The following FAF1 variants were observed in gnomAD, a reference collection of about 807,000 sequenced individuals.
FAF1 encodes Fas associated factor 1.
Under a neutral mutation model 92.5 loss-of-function variants are expected in FAF1, and 25 were observed. The ratio of observed to expected loss-of-function variants is 0.27; its 90% CI spans 0.20 to 0.38. FAF1 has a LOEUF of 0.38. Among genes scored for constraint, FAF1 ranks in the 10% least tolerant of loss-of-function variants. The probability of loss-of-function intolerance (pLI) is 1.00; values close to 1 mark genes in which losing one functional copy is unlikely to be tolerated. For missense variants in FAF1, 636 were observed against 793.3 expected, an observed-to-expected ratio of 0.80 and a Z score of 2.38; for synonymous variants, 234 against 273.2, an observed-to-expected ratio of 0.86 and a Z score of 1.42.
chr1:50,860,611 G>A (rs911192877), intron 1 of FAF1, among the ~76,000 whole-genome samples: 1 of 151,818 alleles, frequency 6.6e-6, no homozygotes, highest in African/African-American at 2.4e-5. Flanking sequence ...ACAGATGCTA[G>A]TGAGGCCGCA....
intron 7 of FAF1, among the ~76,000 whole-genome samples, chr1:50,693,548 GTA>G (rs1037505952): frequency 3.0e-4 from 46 of 151,990 alleles, no homozygotes; most frequent in African/African-American, 1.1e-3. Flanking sequence ...GCCTTGTTAT[GTA>G]TATATAATTT....
chr1:50,766,437 T>C (rs1569911535), intron 4 of FAF1, among the ~76,000 whole-genome samples: 1 of 152,126 alleles, frequency 6.6e-6, no homozygotes, highest in Non-Finnish European at 1.5e-5. Context: ...AAAGGACCCA[T>C]CCAAGAAGAT....
chr1:50,761,890 A>G (rs1660342585), intron 4 of FAF1, among the ~76,000 whole-genome samples: 1 of 152,150 alleles, frequency 6.6e-6, no homozygotes. Flanking sequence ...GAAAAGAGGA[A>G]GTCAAATTGT....
chr1:50,889,079 T>G (rs578028483), intron 1 of FAF1, among the ~76,000 whole-genome samples: 1 of 152,358 alleles, frequency 6.6e-6, no homozygotes, highest in East Asian at 1.9e-4. Context: ...AGCTTCTTCC[T>G]GGTTTAGTCT....
chr1:50,497,253 C>G (rs773408997), intron 15 of FAF1, among the ~76,000 whole-genome samples: 1 of 152,062 alleles, frequency 6.6e-6, no homozygotes, highest in Non-Finnish European at 1.5e-5. Flanking sequence ...GGCAACATCT[C>G]TAAAGTACTG....
intron 18 of FAF1, 48 bp from the exon 19 acceptor site, chr1:50,441,571 A>C: frequency 9.0e-7 from 1 of 1,112,746 alleles, no homozygotes. Context: ...CAAGCACTAT[A>C]TTCTCTACAT....
intron 2 of FAF1, among the ~76,000 whole-genome samples, chr1:50,841,285 A>G (rs1570036436): frequency 6.6e-6 from 1 of 152,028 alleles, no homozygotes; most frequent in Non-Finnish European, 1.5e-5. Flanking sequence ...TCTCTCATCT[A>G]TAGGCTTCAA....
chr1:50,889,647 T>C lies in FAF1; in HGVS notation c.46-31650A>G, dbSNP rs1644702326. 2.6e-5 allele frequency among the ~76,000 whole-genome samples: 4 copies of C among 152,372 alleles called. No homozygotes were observed. In the South Asian group the frequency reaches 8.3e-4, roughly 32 times the overall value. On this transcript the variant is annotated intron_variant, in intron 1 of 18. Coordinates refer to ENST00000396153, the MANE Select transcript of FAF1 (RefSeq NM_007051.3). ...ACCCAGTAGTCATTCAGGAGCAGGT[T>C]GTTCAGTTTCCATGTAGTTGAGCAG...
At chr1:50,443,923 C>T (rs1197612415) in intron 18 of FAF1, among the ~76,000 whole-genome samples, 1 of 152,122 alleles carries the variant, frequency 6.6e-6, no homozygotes, top group Non-Finnish European at 1.5e-5. Flanking sequence ...CTTTCCTGAT[C>T]AGGTAATGCC....
intron 18 of FAF1, among the ~76,000 whole-genome samples, chr1:50,450,555 C>T (rs1425028824): frequency 6.6e-6 from 1 of 152,196 alleles, no homozygotes; most frequent in East Asian, 1.9e-4. Flanking sequence ...TATGTCATGG[C>T]TTATGTCCCT....
At chr1:50,607,941 C>T (rs1652501822) in intron 8 of FAF1, among the ~76,000 whole-genome samples, 2 of 152,138 alleles carry the variant, frequency 1.3e-5, no homozygotes, top group Non-Finnish European at 2.9e-5. Flanking sequence ...CTTGGCTTTG[C>T]CCAGAAAAGA....
chr1:50,575,502 G>A (rs1650685732), intron 12 of FAF1, among the ~76,000 whole-genome samples: 1 of 151,884 alleles, frequency 6.6e-6, no homozygotes, highest in African/African-American at 2.4e-5. Flanking sequence ...ATAAATAGTG[G>A]TTATTTTCAG....
intron 2 of FAF1, among the ~76,000 whole-genome samples, chr1:50,851,690 C>A (rs1403140507): frequency 6.6e-6 from 1 of 152,120 alleles, no homozygotes; most frequent in Non-Finnish European, 1.5e-5. Flanking sequence ...TTTTATAAAA[C>A]AGATGTTTCT....
intron 7 of FAF1, among the ~76,000 whole-genome samples, chr1:50,694,791 A>AT (rs1433154776): frequency 7.4e-6 from 1 of 135,424 alleles, no homozygotes; most frequent in African/African-American, 2.9e-5. Context: ...ACTAAAAAAT[A>AT]CAAAAAAAAA....
chr1:50,496,384 T>C (rs1039458439), intron 15 of FAF1, among the ~76,000 whole-genome samples: 7 of 152,086 alleles, frequency 4.6e-5, no homozygotes, highest in Admixed American at 1.3e-4. Flanking sequence ...ACATAACAAG[T>C]ATGTTCAAAA....
At chr1:50,472,379 A>ACACACG (rs1646585497) in intron 18 of FAF1, among the ~76,000 whole-genome samples, 1 of 119,086 alleles carries the variant, frequency 8.4e-6, no homozygotes, top group Admixed American at 7.7e-5. Context: ...ACACACACAC[A>ACACACG]CACACACACA....
At chr1:50,927,769 T>C (rs1470656145) in intron 1 of FAF1, among the ~76,000 whole-genome samples, 1 of 152,196 alleles carries the variant, frequency 6.6e-6, no homozygotes, top group Admixed American at 6.5e-5. Context: ...AATATCAAGG[T>C]GTCAGCAGTT....
intron 10 of FAF1, among the ~76,000 whole-genome samples, chr1:50,584,166 T>A (rs1651116326): frequency 1.3e-5 from 2 of 152,122 alleles, no homozygotes; most frequent in African/African-American, 4.8e-5. Flanking sequence ...TTTCACAAAG[T>A]AAATAGGCCA....
intron 1 of FAF1, among the ~76,000 whole-genome samples, chr1:50,891,638 G>C (rs943425797): frequency 4.6e-5 from 7 of 152,210 alleles, no homozygotes; most frequent in Admixed American, 4.6e-4. Flanking sequence ...GACCCTGTAT[G>C]CCTGGGTTTC....
Sources: gnomAD v4.1 joint callset for allele counts (sites outside exome capture counted in the v4.1 genomes callset) on GRCh38, gnomAD v4.1.1 for gene constraint, MANE v1.5 for transcripts, NCBI Gene and HGNC (gene_info 2026-07-23, HGNC 2026-07-21) for gene names.